Variants in DMD observed in about 807,000 individuals in gnomAD.
DMD encodes the protein dystrophin.
Under a neutral mutation model 330.1 loss-of-function variants are expected in DMD, and 63 were observed. The observed-to-expected ratio is 0.19, with a 90% CI of 0.16 to 0.24. The LOEUF is 0.24. DMD is among the 10% of genes least tolerant of loss of function. DMD has a pLI of 1.00. For missense variants in DMD, 3,344 were observed against 2,684.1 expected, an observed-to-expected ratio of 1.25 and a Z score of -5.43; for synonymous variants, 1,223 against 959.8, an observed-to-expected ratio of 1.27 and a Z score of -5.07.
chrX:32,389,069 T>G (rs892705086), intron 32 of DMD, among the ~76,000 whole-genome samples: 4 of 111,556 alleles, frequency 3.6e-5, no homozygotes, highest in Non-Finnish European at 7.5e-5. Flanking sequence ...ATTCACCAGC[T>G]GTTTGTCCTT....
intron 51 of DMD, among the ~76,000 whole-genome samples, chrX:31,740,387 G>T (rs1243064686): frequency 1.8e-5 from 2 of 111,714 alleles, no homozygotes; most frequent in Admixed American, 1.9e-4. Context: ...TTATGGCCCA[G>T]TAACATAAGT....
intron 7 of DMD, among the ~76,000 whole-genome samples, chrX:32,720,157 T>C (rs181915673): frequency 4.4e-4 from 49 of 111,458 alleles, no homozygotes; most frequent in African/African-American, 1.5e-3. Context: ...AGTCAAATCA[T>C]ACCTTACAAA....
At chrX:32,552,850 C>G (rs750394144) in intron 16 of DMD, among the ~76,000 whole-genome samples, 1 of 111,677 alleles carries the variant, frequency 9.0e-6, no homozygotes, top group Non-Finnish European at 1.9e-5. Context: ...AAGTGCAGAT[C>G]AAAACCACAA....
At chrX:32,397,331 A>C (rs1160217746) in intron 30 of DMD, among the ~76,000 whole-genome samples, 3 of 111,798 alleles carry the variant, frequency 2.7e-5, no homozygotes. Context: ...GCTTCGTATA[A>C]AATCAGTAAA....
chrX:31,762,518 G>A (rs1341686045), intron 51 of DMD, among the ~76,000 whole-genome samples: 2 of 111,646 alleles, frequency 1.8e-5, no homozygotes, highest in African/African-American at 3.3e-5. Flanking sequence ...GCAGTGAGTC[G>A]AGATCGCGCC....
intron 44 of DMD, among the ~76,000 whole-genome samples, chrX:32,128,920 GA>G (rs1193981098): frequency 9.0e-6 from 1 of 111,572 alleles, no homozygotes; most frequent in African/African-American, 3.3e-5. Flanking sequence ...GCATCGAACA[GA>G]GGATCTGAAA....
At chrX:32,111,875 C>T (rs768911404) in intron 44 of DMD, among the ~76,000 whole-genome samples, 2 of 111,812 alleles carry the variant, frequency 1.8e-5, no homozygotes, top group African/African-American at 3.2e-5. Flanking sequence ...ACCCCAGTCC[C>T]GTTTTTGCCC....
intron 54 of DMD, among the ~76,000 whole-genome samples, chrX:31,644,789 T>A (rs1278679464): frequency 1.8e-5 from 2 of 111,778 alleles, no homozygotes; most frequent in Admixed American, 9.5e-5. Context: ...GGCCTCTTCT[T>A]AGAGTAGACC....
chrX:31,272,637 T>A (rs914370564), intron 62 of DMD, among the ~76,000 whole-genome samples: 1 of 112,227 alleles, frequency 8.9e-6, no homozygotes, highest in African/African-American at 3.2e-5. Flanking sequence ...TCTACCTTCC[T>A]CCCACACAAC....
chrX:31,516,743 C>A (rs749690616), intron 55 of DMD, among the ~76,000 whole-genome samples: 7 of 111,690 alleles, frequency 6.3e-5, no homozygotes, highest in Non-Finnish European at 1.1e-4. Flanking sequence ...ATATCTCATT[C>A]GAAAATTCTC....
In DMD at chrX:31,147,615, A is replaced by T. The variant is rs1355410885; in HGVS notation, c.10554-97T>A. On this transcript the variant is annotated intron_variant, in intron 74 of 78. Transcript: ENST00000357033. ...ATATCATCACCAAATTTTATATACCATGGTAGATAGATGCATCTGACTGCC... is the reference window on the plus strand; with the variant it reads ...ATATCATCACCAAATTTTATATACCTTGGTAGATAGATGCATCTGACTGCC... 7 of 667,117 alleles carry T rather than the reference A, an allele frequency of 1.0e-5. No individual in the cohort carries two copies. In the Admixed American group the frequency reaches 1.6e-4, roughly 15 times the overall value. 55.0% of individuals were successfully genotyped at this position (667,117 alleles called of 1,213,427 possible).
At chrX:31,331,845 A>G (rs1235452790) in intron 61 of DMD, among the ~76,000 whole-genome samples, 1 of 112,398 alleles carries the variant, frequency 8.9e-6, no homozygotes, top group Non-Finnish European at 1.9e-5. Flanking sequence ...AATTTCAAGG[A>G]AAGTAAAATT....
Position 33,099,342 on chromosome X carries a change from T to G in DMD, c.32-79142A>C, listed in dbSNP as rs958538838. ...AGTAATTGCTCCCTCACATTTTACC[T>G]TTTTTAGGCCTAGTGGTGGGTTATG... On this transcript the variant is annotated intron_variant, in intron 1 of 78. Coordinates refer to ENST00000357033, the MANE Select transcript of DMD (RefSeq NM_004006.3). Among the ~76,000 whole-genome samples the G allele has an allele frequency of 3.6e-5, 4 of 111,180 alleles. No homozygotes were observed. In the East Asian group the frequency reaches 1.1e-3, roughly 32 times the overall value.
intron 2 of DMD, among the ~76,000 whole-genome samples, chrX:32,907,851 C>G (rs933297812): frequency 4.5e-5 from 5 of 112,162 alleles, no homozygotes; most frequent in Admixed American, 2.8e-4. Flanking sequence ...AATTTTCTTA[C>G]TTATTTTAGC....
At chrX:31,236,187 G>C (rs1783176491) in intron 63 of DMD, among the ~76,000 whole-genome samples, 1 of 112,400 alleles carries the variant, frequency 8.9e-6, no homozygotes, top group Non-Finnish European at 1.9e-5. Flanking sequence ...TGGTACAGCA[G>C]AATAAACCAT....
chrX:33,214,584 G>A (rs1211132533), upstream of DMD, among the ~76,000 whole-genome samples: 1 of 111,713 alleles, frequency 9.0e-6, no homozygotes, highest in Admixed American at 9.5e-5. Context: ...GGTTATGCAT[G>A]TGATTGCACA....
intron 1 of DMD, among the ~76,000 whole-genome samples, chrX:33,051,753 A>C (rs1040586146): frequency 1.6e-4 from 17 of 103,813 alleles, no homozygotes; most frequent in Non-Finnish European, 2.9e-4. Flanking sequence ...GGTTCAAGCA[A>C]CTCTCCTGCC....
intron 1 of DMD, among the ~76,000 whole-genome samples, chrX:33,274,785 T>C (rs1233373650): frequency 9.0e-6 from 1 of 111,670 alleles, no homozygotes; most frequent in Non-Finnish European, 1.9e-5. Context: ...CTGAGATTCC[T>C]GGTATGTGCT....
intron 38 of DMD, 69 bp downstream of exon 38, chrX:32,348,337 T>A: frequency 9.3e-7 from 1 of 1,080,328 alleles, no homozygotes; most frequent in Non-Finnish European, 1.3e-6. Context: ...GTTGGAGACT[T>A]ATCTAAGTTC....
Sources: gnomAD v4.1 joint callset for allele counts (sites outside exome capture counted in the v4.1 genomes callset) on GRCh38, gnomAD v4.1.1 for gene constraint, MANE v1.5 for transcripts, NCBI Gene and HGNC (gene_info 2026-07-23, HGNC 2026-07-21) for gene names.